The following TRPM3 variants were observed in gnomAD, a reference collection of about 807,000 sequenced individuals.
TRPM3 encodes transient receptor potential cation channel subfamily M member 3, also known as long transient receptor potential channel 3.
Under a neutral mutation model 181.2 loss-of-function variants are expected in TRPM3, and 77 were observed. The observed-to-expected ratio is 0.42, with a 90% confidence interval of 0.35 to 0.51. The LOEUF (loss-of-function observed/expected upper bound fraction) is 0.51. TRPM3 is among the 20% of genes least tolerant of loss of function. The probability of loss-of-function intolerance (pLI) is 0.01; values close to 1 mark genes in which losing one functional copy is unlikely to be tolerated. For synonymous variants in TRPM3, 745 were observed against 796.4 expected (o/e 0.94, Z 1.09); for missense variants, 1,759 against 2,196.7 (o/e 0.80, Z 3.98).
At chr9:70,563,845 A>T (rs1240127134) in intron 22 of TRPM3, among the ~76,000 whole-genome samples, 2 of 152,156 alleles carry the variant, frequency 1.3e-5, no homozygotes, top group Non-Finnish European at 2.9e-5. Context: ...GACTTTACAA[A>T]ACCACTTCTG....
At chr9:71,051,138 A>T (rs548085991) in intron 1 of TRPM3, among the ~76,000 whole-genome samples, 1 of 152,274 alleles carries the variant, frequency 6.6e-6, no homozygotes, top group African/African-American at 2.4e-5. Flanking sequence ...TGTTTTCTTC[A>T]TGCATTTTAA....
intron 1 of TRPM3, among the ~76,000 whole-genome samples, chr9:71,417,635 T>C (rs2093656287): frequency 1.3e-5 from 2 of 151,982 alleles, no homozygotes; most frequent in Admixed American, 6.6e-5. Flanking sequence ...AAAGAATTAA[T>C]GGAAACATAT....
intron 1 of TRPM3, among the ~76,000 whole-genome samples, chr9:71,136,264 G>A (rs2074760244): frequency 6.6e-6 from 1 of 152,158 alleles, no homozygotes; most frequent in African/African-American, 2.4e-5. Context: ...GGCTCAAGAA[G>A]GTTTAATCCT....
rs1330402555 is a variant in TRPM3, at chr9:70,998,262, TATA to T, written c.177+122913_177+122915del. ...ACACACACACACACATATATATATATATATTTTTTTTAGTATTTTTCTTACCTG... is the reference window on the plus strand; with the variant it reads ...ACACACACACACACATATATATATATTTTTTTTTAGTATTTTTCTTACCTG... On this transcript the variant is annotated intron_variant, in intron 1 of 25. Transcript: ENST00000677713. Among the ~76,000 whole-genome samples the T allele has an allele frequency of 1.2e-4, 15 of 123,282 alleles. 1 individual carries two copies. The South Asian group carries it at 1.9e-3, about 16-fold the overall frequency. 80.9% of individuals were successfully genotyped at this position (123,282 alleles called of 152,430 possible). A position where few individuals can be genotyped will look rare whatever the true frequency, so the allele number is the denominator to read the frequency against.
intron 18 of TRPM3, among the ~76,000 whole-genome samples, chr9:70,611,212 T>C (rs1337305526): frequency 1.3e-5 from 2 of 152,174 alleles, no homozygotes; most frequent in African/African-American, 2.4e-5. Flanking sequence ...TATCCAAAGG[T>C]TGTGAATACT....
intron 1 of TRPM3, among the ~76,000 whole-genome samples, chr9:71,276,941 T>C (rs1348538900): frequency 1.3e-5 from 2 of 152,196 alleles, no homozygotes; most frequent in Non-Finnish European, 2.9e-5. Flanking sequence ...GATATGCCCA[T>C]ATCATGTAAT....
At position 70,535,498 on chromosome 9, in the gene TRPM3, T is replaced by C; in HGVS notation, c.*455A>G. 1.3e-6 allele frequency: 2 copies of C among 1,550,370 alleles called. No homozygotes were observed. Among genetic ancestry groups the C allele is most frequent in the Non-Finnish European group, 1.7e-6 (2 of 1,146,982 alleles). ...GAGCCAATGTGAAAAGAAAACAGAATGGAAGTTTAGAATATCTCATTGTGT... is the reference window on the plus strand; with the variant it reads ...GAGCCAATGTGAAAAGAAAACAGAACGGAAGTTTAGAATATCTCATTGTGT... On this transcript the variant is annotated 3_prime_UTR_variant, in exon 26 of 26. Coordinates refer to ENST00000677713, the MANE Select transcript of TRPM3 (RefSeq NM_001366145.2).
intron 1 of TRPM3, among the ~76,000 whole-genome samples, chr9:71,046,210 C>T (rs973676137): frequency 1.3e-5 from 2 of 152,136 alleles, no homozygotes; most frequent in African/African-American, 4.8e-5. Flanking sequence ...TGGTCTTGAA[C>T]TCCTAACCTC....
chr9:70,586,696 A>G (rs1327689762), intron 22 of TRPM3, among the ~76,000 whole-genome samples: 1 of 152,208 alleles, frequency 6.6e-6, no homozygotes, highest in Admixed American at 6.5e-5. Context: ...TCCATTAGAG[A>G]AGGTCAGTTC....
chr9:71,052,580 C>T (rs190933247), intron 1 of TRPM3, among the ~76,000 whole-genome samples: 34 of 152,266 alleles, frequency 2.2e-4, no homozygotes, highest in Admixed American at 3.3e-4. Context: ...AAATCACTTA[C>T]GCTTCTTGCA....
At chr9:71,213,029 T>C (rs1048764809) in intron 1 of TRPM3, among the ~76,000 whole-genome samples, 4 of 152,180 alleles carry the variant, frequency 2.6e-5, no homozygotes, top group Non-Finnish European at 5.9e-5. Context: ...ATAAGAGCAG[T>C]GTGAGTTTTA....
chr9:71,286,659 A>C (rs1368101218), intron 1 of TRPM3, among the ~76,000 whole-genome samples: 1 of 152,074 alleles, frequency 6.6e-6, no homozygotes, highest in East Asian at 1.9e-4. Context: ...AAGTCAGTAC[A>C]ATACATTCTA....
upstream of TRPM3, chr9:71,446,876 G>T (rs1008134517): frequency 2.0e-6 from 3 of 1,479,308 alleles, no homozygotes; most frequent in African/African-American, 2.9e-5. Context: ...GCCCAGCGCC[G>T]AGCGCTCTCG....
At chr9:71,396,288 A>C (rs552722410) in intron 1 of TRPM3, among the ~76,000 whole-genome samples, 29 of 136,290 alleles carry the variant, frequency 2.1e-4, no homozygotes, top group Admixed American at 1.2e-3. Context: ...AACAAACAAA[A>C]AAAGTGCTAT....
chr9:71,284,117 T>A (rs1415998097), intron 1 of TRPM3, among the ~76,000 whole-genome samples: 1 of 37,502 alleles, frequency 2.7e-5, no homozygotes, highest in Non-Finnish European at 5.8e-5. Context: ...CTTCAATGGG[T>A]TTTTTACCAG....
chr9:71,050,985 C>T (rs1201750796), intron 1 of TRPM3, among the ~76,000 whole-genome samples: 1 of 152,184 alleles, frequency 6.6e-6, no homozygotes, highest in East Asian at 1.9e-4. Context: ...AATAACTCTC[C>T]TTCATCCCTA....
intron 17 of TRPM3, among the ~76,000 whole-genome samples, chr9:70,618,388 A>G (rs1337810180): frequency 6.6e-6 from 1 of 152,202 alleles, no homozygotes; most frequent in East Asian, 1.9e-4. Flanking sequence ...TTATCTAGCA[A>G]TGGCTTTCCA....
At chr9:70,661,087 T>C (rs116553331) in intron 9 of TRPM3, among the ~76,000 whole-genome samples, 1 of 152,132 alleles carries the variant, frequency 6.6e-6, no homozygotes, top group East Asian at 1.9e-4. Context: ...TAATGCATCA[T>C]GATCAAGTGG....
chr9:71,159,105 TAGAGAGAGAG>T lies in TRPM3; in HGVS notation c.183+287538_183+287547del, dbSNP rs140356660. 3.9e-4 allele frequency among the ~76,000 whole-genome samples: 56 copies of T among 144,150 alleles called. 1 individual carries two copies. Among genetic ancestry groups the T allele is most frequent in the Non-Finnish European group, 6.6e-4 (44 of 66,262 alleles). The allele number at this position is 144,150 out of a possible 152,430, so 94.6% of individuals were successfully genotyped here. ...TGAGCCTATATTATATATATATATT[TAGAGAGAGAG>T]AGAGAGAGAGAGAGAGAGAGAAAGA... On this transcript the variant is annotated intron_variant, in intron 1 of 24. Coordinates refer to the TRPM3 transcript ENST00000357533.
Sources: gnomAD v4.1 joint callset for allele counts (sites outside exome capture counted in the v4.1 genomes callset) on GRCh38, gnomAD v4.1.1 for gene constraint, MANE v1.5 for transcripts, NCBI Gene and HGNC (gene_info 2026-07-23, HGNC 2026-07-21) for gene names.